CNTN4: variants seen among roughly 807,000 people sequenced by gnomAD.
CNTN4 encodes the protein contactin 4.
A neutral mutation model predicts 122.5 loss-of-function variants in CNTN4; 77 were observed. The observed-to-expected ratio is 0.63, with a 90% confidence interval of 0.52 to 0.76. The LOEUF (loss-of-function observed/expected upper bound fraction) is 0.76, where lower values mean the gene tolerates loss of function less well. CNTN4 is among the 30% of genes least tolerant of loss of function. CNTN4 has a pLI of 0.00. For synonymous variants in CNTN4, 512 were observed against 447.0 expected, an observed-to-expected ratio of 1.15 and a Z score of -1.83; for missense variants, 1,256 against 1,259.1, an observed-to-expected ratio of 1.00 and a Z score of 0.04.
intron 7 of CNTN4, among the ~76,000 whole-genome samples, chr3:2,824,793 G>C (rs952124482): frequency 2.6e-5 from 4 of 151,920 alleles, no homozygotes; most frequent in Non-Finnish European, 4.4e-5. Flanking sequence ...CTCCCAAGTA[G>C]CTGGGATTAC....
intron 2 of CNTN4, among the ~76,000 whole-genome samples, chr3:2,135,573 T>A (rs1324661903): frequency 6.6e-6 from 1 of 151,560 alleles, no homozygotes. Context: ...GTGAGAGTAA[T>A]CAGCGCATAT....
At chr3:2,172,431 G>T (rs1021190331) in intron 2 of CNTN4, among the ~76,000 whole-genome samples, 1 of 152,084 alleles carries the variant, frequency 6.6e-6, no homozygotes, top group African/African-American at 2.4e-5. Context: ...AGGCATAAAA[G>T]ACTACATATT....
At chr3:2,346,535 T>C (rs2044402257) in intron 3 of CNTN4, among the ~76,000 whole-genome samples, 1 of 152,132 alleles carries the variant, frequency 6.6e-6, no homozygotes, top group African/African-American at 2.4e-5. Flanking sequence ...TGGTAAACTC[T>C]CTAATTTTTT....
At chr3:2,423,019 G>T (rs1289354199) in intron 3 of CNTN4, among the ~76,000 whole-genome samples, 1 of 152,172 alleles carries the variant, frequency 6.6e-6, no homozygotes, top group Non-Finnish European at 1.5e-5. Flanking sequence ...TTAACTTAGG[G>T]TTTTAGCATG....
intron 3 of CNTN4, among the ~76,000 whole-genome samples, chr3:2,340,704 T>TAGAGAGAGAG (rs1211078887): frequency 5.6e-5 from 1 of 17,808 alleles, no homozygotes; most frequent in African/African-American, 1.0e-4. Flanking sequence ...TATATATATA[T>TAGAGAGAGAG]ATATATAGAG....
At chr3:2,423,895 GAC>G (rs1286856240) in intron 3 of CNTN4, among the ~76,000 whole-genome samples, 54 of 118,664 alleles carry the variant, frequency 4.6e-4, no homozygotes, top group African/African-American at 1.7e-3. Flanking sequence ...TTAATGTTTG[GAC>G]ACAGGAAAAG....
At chr3:2,811,618 C>G (rs1445732763) in intron 6 of CNTN4, among the ~76,000 whole-genome samples, 1 of 150,680 alleles carries the variant, frequency 6.6e-6, no homozygotes. Flanking sequence ...GCCCGACCTC[C>G]TAGTCCCTTA....
intron 2 of CNTN4, among the ~76,000 whole-genome samples, chr3:2,210,273 T>TA (rs1262937650): frequency 6.6e-6 from 1 of 152,190 alleles, no homozygotes; most frequent in Non-Finnish European, 1.5e-5. Flanking sequence ...GGAAAATACA[T>TA]AAAAGTATAT....
chr3:3,054,757 T>C (rs1337891670), intron 24 of CNTN4, among the ~76,000 whole-genome samples: 2 of 152,330 alleles, frequency 1.3e-5, no homozygotes, highest in East Asian at 1.9e-4. Flanking sequence ...GTTATGGAGC[T>C]TGAGAGTGGT....
chr3:2,972,292 C>T (rs528500604), intron 13 of CNTN4, among the ~76,000 whole-genome samples: 2 of 152,186 alleles, frequency 1.3e-5, no homozygotes, highest in African/African-American at 2.4e-5. Flanking sequence ...CTTAATGTTG[C>T]AGCTAACTCA....
intron 2 of CNTN4, among the ~76,000 whole-genome samples, chr3:2,337,990 C>T (rs942636980): frequency 1.3e-4 from 19 of 151,978 alleles, no homozygotes; most frequent in Admixed American, 3.9e-4. Context: ...AATGTATATA[C>T]AGCTGGTAAC....
intron 4 of CNTN4, among the ~76,000 whole-genome samples, chr3:2,634,350 G>A (rs1052046738): frequency 5.9e-5 from 9 of 151,938 alleles, no homozygotes; most frequent in Non-Finnish European, 1.2e-4. Flanking sequence ...TTGTGTATGC[G>A]GCAATATTTG....
intron 2 of CNTN4, among the ~76,000 whole-genome samples, chr3:2,325,353 G>A: frequency 6.6e-6 from 1 of 152,254 alleles, no homozygotes; most frequent in Non-Finnish European, 1.5e-5. Flanking sequence ...TAGACTTACT[G>A]TTATTTTATG....
At chr3:2,960,409 T>G (rs893544331) in intron 13 of CNTN4, among the ~76,000 whole-genome samples, 6 of 147,456 alleles carry the variant, frequency 4.1e-5, no homozygotes, top group African/African-American at 9.8e-5. Context: ...TTTTGTTTTT[T>G]GTTTTTGGTT....
rs552547576 is a variant in CNTN4, at chr3:2,128,541, G to A, written c.-145+27902G>A. ...GGTCAATTTTAATCCTGCACTGAGA[G>A]GTGATCACAATCTGAAGACTGTGAT... On this transcript the variant is annotated intron_variant, in intron 2 of 24. Coordinates refer to ENST00000418658, the MANE Select transcript of CNTN4 (RefSeq NM_175607.3). Among the ~76,000 whole-genome samples, 3 of 152,206 alleles carry A rather than the reference G, an allele frequency of 2.0e-5. No homozygotes were observed. In the South Asian group the frequency reaches 6.2e-4, roughly 32 times the overall value.
chr3:2,565,205 A>G (rs1031747674), intron 3 of CNTN4, among the ~76,000 whole-genome samples: 1 of 152,130 alleles, frequency 6.6e-6, no homozygotes, highest in Non-Finnish European at 1.5e-5. Context: ...TCCCGAATAT[A>G]TCATCCAGGT....
At chr3:2,497,084 A>G (rs768124283) in intron 3 of CNTN4, among the ~76,000 whole-genome samples, 3 of 152,190 alleles carry the variant, frequency 2.0e-5, no homozygotes, top group Non-Finnish European at 4.4e-5. Flanking sequence ...TTTGGAAACA[A>G]CGTCACAGAG....
intron 3 of CNTN4, among the ~76,000 whole-genome samples, chr3:2,350,016 G>C (rs1214111742): frequency 6.6e-6 from 1 of 152,150 alleles, no homozygotes; most frequent in Non-Finnish European, 1.5e-5. Context: ...TTGCCGTTAA[G>C]ATCTATTTTG....
At chr3:2,837,808 C>A (rs951992649) in intron 7 of CNTN4, among the ~76,000 whole-genome samples, 1 of 152,138 alleles carries the variant, frequency 6.6e-6, no homozygotes, top group African/African-American at 2.4e-5. Context: ...CCGCAGCCTG[C>A]AAGTGGCTGT....
Sources: gnomAD v4.1 joint callset for allele counts (sites outside exome capture counted in the v4.1 genomes callset) on GRCh38, gnomAD v4.1.1 for gene constraint, MANE v1.5 for transcripts, NCBI Gene and HGNC (gene_info 2026-07-23, HGNC 2026-07-21) for gene names.